Variants in SERPINB4 observed in about 807,000 individuals in gnomAD.
The protein encoded by SERPINB4 is serpin family B member 4, also known as serpin B4.
Under a neutral mutation model 33.2 loss-of-function variants are expected in SERPINB4, and 39 were observed. The observed-to-expected ratio is 1.18, with a 90% CI of 0.91 to 1.53. The LOEUF (loss-of-function observed/expected upper bound fraction) is 1.53, where lower values mean the gene tolerates loss of function less well. Ranked by LOEUF, SERPINB4 falls within the 40% of genes most tolerant of loss-of-function variation. The pLI, the probability that SERPINB4 is intolerant of heterozygous loss-of-function variation, is 0.00. For missense variants in SERPINB4, 564 were observed against 455.4 expected, an observed-to-expected ratio of 1.24 and a Z score of -2.17; for synonymous variants, 191 against 166.4, an observed-to-expected ratio of 1.15 and a Z score of -1.14.
intron 4 of SERPINB4, 120 bp downstream of exon 4, chr18:63,641,639 CT>C: frequency 6.8e-7 from 1 of 1,473,208 alleles, no homozygotes. Context: ...CTAATGCACT[CT>C]GAGTAAATGC....
chr18:63,641,213 A>C (rs188855628), intron 4 of SERPINB4, among the ~76,000 whole-genome samples: 1 of 152,216 alleles, frequency 6.6e-6, no homozygotes, highest in African/African-American at 2.4e-5. Flanking sequence ...TCATCTTGGC[A>C]AAAGGCAGAA....
rs777478386 is a variant in SERPINB4 at position 63,637,670 on chromosome 18, A to T, written c.*49T>A. On this transcript the variant is annotated 3_prime_UTR_variant, in exon 8 of 8. Transcript: ENST00000341074. ...TTGTTGCCAGCAATCAGTTTACCAG[A>T]ACACCTCTAGGTGAACATTTTCTAA... The T allele has an allele frequency of 6.6e-7, 1 of 1,522,196 alleles. No homozygotes were observed. The highest frequency in any genetic ancestry group is 2.1e-5 in the Admixed American group (1 of 46,854). The allele number at this position is 1,522,196 out of a possible 1,614,324, so 94.3% of individuals were successfully genotyped here. A position where few individuals can be genotyped will look rare whatever the true frequency, so the allele number is the denominator to read the frequency against.
At chr18:63,641,659 T>C (rs1913134537) in intron 4 of SERPINB4, 101 bp downstream of exon 4, 1 of 1,579,638 alleles carries the variant, frequency 6.3e-7, no homozygotes, top group African/African-American at 1.4e-5. Flanking sequence ...GCTCTCCACC[T>C]GAGTCGGCCA....
intron 7 of SERPINB4, 104 bp downstream of exon 7, chr18:63,639,081 T>C (rs1913035384): frequency 1.5e-6 from 2 of 1,335,154 alleles, no homozygotes; most frequent in Non-Finnish European, 9.9e-7. Flanking sequence ...GAATTTTTCA[T>C]CATTTTGAGG....
intron 6 of SERPINB4, 62 bp downstream of exon 6, chr18:63,639,572 A>T: frequency 8.4e-7 from 1 of 1,188,980 alleles, no homozygotes; most frequent in East Asian, 2.5e-5. Flanking sequence ...ACATTCCATC[A>T]GAAATGTTTA....
intron 7 of SERPINB4, 138 bp from the exon 8 acceptor site, chr18:63,638,261 T>G: frequency 1.0e-6 from 1 of 968,904 alleles, no homozygotes; most frequent in South Asian, 1.8e-5. Flanking sequence ...TAGACATTAT[T>G]ATTCTAATAG....
chr18:63,639,399 T>C (rs1913049885), intron 6 of SERPINB4, 59 bp from the exon 7 acceptor site: 3 of 1,491,840 alleles, frequency 2.0e-6, no homozygotes, highest in Non-Finnish European at 2.7e-6. Flanking sequence ...AAAAAGATAA[T>C]ATTATTGAGA....
chr18:63,641,983 A>G, intron 3 of SERPINB4, 95 bp from the exon 4 acceptor site: 1 of 1,549,484 alleles, frequency 6.5e-7, no homozygotes, highest in South Asian at 1.2e-5. Context: ...AAATGCTGGT[A>G]GTCTCATTGA....
Position 63,641,007 on chromosome 18 carries a change from G to A in SERPINB4, c.352-16C>T. 6.3e-7 allele frequency: 1 copy of A among 1,580,694 alleles called. No homozygotes were observed. The highest frequency in any genetic ancestry group is 8.7e-7 in the Non-Finnish European group (1 of 1,150,926). ...CTAAATATTCCTTTGAGATATGAAGGAAGAAGTAGGAATTAGGAGTAATTT... is the reference window on the plus strand; with the variant it reads ...CTAAATATTCCTTTGAGATATGAAGAAAGAAGTAGGAATTAGGAGTAATTT... On this transcript the variant is annotated splice_polypyrimidine_tract_variant and intron_variant, in intron 4 of 7. Coordinates refer to ENST00000341074, the MANE Select transcript of SERPINB4 (RefSeq NM_002974.4).
intron 5 of SERPINB4, 41 bp downstream of exon 5, chr18:63,640,833 A>G: frequency 6.5e-7 from 1 of 1,536,104 alleles, no homozygotes; most frequent in Non-Finnish European, 9.0e-7. Context: ...TCACTGGCAT[A>G]GGTTTCTCAA....
rs1375711059 is a variant in SERPINB4, at chr18:63,637,668, A to G, written c.*51T>C. The G allele has an allele frequency of 6.6e-7, 1 of 1,518,720 alleles. No homozygotes were observed. The highest frequency in any genetic ancestry group is 8.8e-7 in the Non-Finnish European group (1 of 1,131,450). 94.1% of individuals were successfully genotyped at this position (1,518,720 alleles called of 1,614,324 possible). On this transcript the variant is annotated 3_prime_UTR_variant, in exon 8 of 8. Transcript: ENST00000341074. ...TGTTGTTGCCAGCAATCAGTTTACC[A>G]GAACACCTCTAGGTGAACATTTTCT... is the stretch of plus-strand genomic sequence containing the variant.
chr18:63,637,879 T>C lies in SERPINB4; in HGVS notation c.1013A>G (p.Glu338Gly), dbSNP rs1912983847. ...GGCAGCTGCAGCTTCCACTCCCTCCTCAGTGACCTCCACAAAGGCCTTGTG... is the reference window on the plus strand; with the variant it reads ...GGCAGCTGCAGCTTCCACTCCCTCCCCAGTGACCTCCACAAAGGCCTTGTG... ...VLHKAFVEVTEEGVEAAAATA... is the reference protein window; with the variant it reads ...VLHKAFVEVTGEGVEAAAATA... The change falls in exon 8 of 8, where the codon GAG (glutamate) becomes GGG (glycine). Residue 338 changes from glutamate (E) to glycine (G), a missense_variant. Physicochemically the swap from Glu to Gly is moderately conservative, Grantham distance 98 (BLOSUM62 -2). Transcript: ENST00000341074. 1.2e-6 allele frequency: 2 copies of C among 1,613,438 alleles called. No individual in the cohort carries two copies. The highest frequency in any genetic ancestry group is 1.1e-5 in the South Asian group (1 of 91,076).
rs368467571 is a variant in SERPINB4, at chr18:63,639,693, G to A, written c.553C>T (p.Gln185Ter). The A allele has an allele frequency of 6.2e-7, 1 of 1,611,218 alleles. No individual in the cohort carries two copies. Among genetic ancestry groups the A allele is most frequent in the East Asian group, 2.2e-5 (1 of 44,806 alleles). Reference sequence around the variant, plus strand: ...TCTTTTTTAAATTTATTCTCCCACTGCCCTTTGAAATAGATTGCGTTCACA... The same window carrying A: ...TCTTTTTTAAATTTATTCTCCCACTACCCTTTGAAATAGATTGCGTTCACA... ...VLVNAIYFKGQWENKFKKENT... is the reference protein window; with the variant it reads ...VLVNAIYFKG Residue 185 changes from glutamine (Q) to a stop codon, truncating the protein, a stop_gained, in exon 6 of 8, where the codon CAG (glutamine) becomes TAG (stop). Transcript: ENST00000341074. LOFTEE classifies it high-confidence loss of function.
rs745433888 is a variant in SERPINB4, at chr18:63,643,244, A to G, written c.166-27T>C. On this transcript the variant is annotated intron_variant, in intron 2 of 7. Transcript: ENST00000341074. ...TGGAAGAGACATGAAGCGGGACAAG[A>G]AAACTTTACTCAAAAGATCTGTTTA... The G allele has an allele frequency of 2.5e-6, 4 of 1,613,138 alleles. No individual in the cohort carries two copies. In the African/African-American group the frequency reaches 4.0e-5, roughly 16 times the overall value.
Position 63,642,587 on chromosome 18 carries a change from C to T in SERPINB4, c.222+574G>A, listed in dbSNP as rs8097100. Reference sequence around the variant, plus strand: ...TTCTACCTTCCAGCAAAGCATTTTGCACTATTAAGGCTCTAAACCAATATA... The same window carrying T: ...TTCTACCTTCCAGCAAAGCATTTTGTACTATTAAGGCTCTAAACCAATATA... On this transcript the variant is annotated intron_variant, in intron 3 of 7. Coordinates refer to ENST00000341074, the MANE Select transcript of SERPINB4 (RefSeq NM_002974.4). 5.5e-3 allele frequency among the ~76,000 whole-genome samples: 835 copies of T among 152,176 alleles called. 10 individuals carry two copies. The highest frequency in any genetic ancestry group is 0.019 in the African/African-American group (796 of 41,542).
chr18:63,639,433 A>G, intron 6 of SERPINB4, 93 bp from the exon 7 acceptor site: 2 of 1,284,586 alleles, frequency 1.6e-6, no homozygotes, highest in Non-Finnish European at 2.1e-6. Flanking sequence ...TTCTTCTTCT[A>G]AGAAATAACC....
At chr18:63,643,879 A>T (rs1478575577) in intron 1 of SERPINB4, among the ~76,000 whole-genome samples, 1 of 152,092 alleles carries the variant, frequency 6.6e-6, no homozygotes, top group Non-Finnish European at 1.5e-5. Flanking sequence ...CACTAGAGCT[A>T]GGTAGGATGG....
At position 63,640,908 on chromosome 18, in the gene SERPINB4, C is replaced by G. The variant is rs1174385232; in HGVS notation, c.435G>C (p.Lys145Asn). ...DFANAPEESR[K>N]KINSWVESQT... ...GACTTTCCACCCAGGAGTTAATCTT[C>G]TTTCGACTTTCTTCTGGAGCATTTG... The change falls in exon 5 of 8, where the codon AAG (lysine) becomes AAC (asparagine). Residue 145 changes from lysine (K) to asparagine (N), a missense_variant. Transcript: ENST00000341074. The G allele has an allele frequency of 6.2e-7, 1 of 1,612,828 alleles. No individual in the cohort carries two copies. Among genetic ancestry groups the G allele is most frequent in the East Asian group, 2.2e-5 (1 of 44,850 alleles).
intron 7 of SERPINB4, among the ~76,000 whole-genome samples, chr18:63,638,959 TATA>T (rs904523939): frequency 6.6e-6 from 1 of 151,780 alleles, no homozygotes; most frequent in African/African-American, 2.4e-5. Flanking sequence ...CTTAAAGTAT[TATA>T]ATAATAATAA....
Sources: allele counts gnomAD v4.1 joint callset (sites outside exome capture counted in the v4.1 genomes callset), GRCh38; gene constraint gnomAD v4.1.1; transcripts MANE v1.5; gene names NCBI Gene and HGNC (gene_info 2026-07-23, HGNC 2026-07-21).